The following COG5 variants were observed in gnomAD, a reference collection of about 807,000 sequenced individuals.
The protein encoded by COG5 is component of oligomeric golgi complex 5, also known as conserved oligomeric Golgi complex subunit 5.
COG5 carries 86 observed loss-of-function variants against 110.4 expected under a neutral mutation model. The observed-to-expected ratio is 0.78, with a 90% CI of 0.65 to 0.93. The LOEUF is 0.93. Among genes scored for constraint, COG5 ranks in the 40% least tolerant of loss-of-function variants. COG5 has a pLI of 0.00. For missense variants in COG5, 1,077 were observed against 987.0 expected, an observed-to-expected ratio of 1.09 and a Z score of -1.22; for synonymous variants, 360 against 334.6, an observed-to-expected ratio of 1.08 and a Z score of -0.83.
intron 7 of COG5, among the ~76,000 whole-genome samples, chr7:107,374,240 C>CT (rs1000377116): frequency 4.6e-5 from 7 of 152,014 alleles, no homozygotes; most frequent in African/African-American, 1.7e-4. Context: ...TCTCCCAAGA[C>CT]TGTTTTATCT....
At chr7:107,481,855 G>A (rs961912885) in intron 6 of COG5, among the ~76,000 whole-genome samples, 4 of 152,084 alleles carry the variant, frequency 2.6e-5, no homozygotes, top group African/African-American at 2.4e-5. Context: ...TAATACTAAT[G>A]TACTTTCGCA....
chr7:107,220,641 C>A (rs1043283764), intron 19 of COG5, among the ~76,000 whole-genome samples: 10 of 152,132 alleles, frequency 6.6e-5, no homozygotes, highest in Admixed American at 3.3e-4. Flanking sequence ...AAATCCAGCC[C>A]ATGATTCTAA....
chr7:107,441,368 C>T (rs1794698536), intron 6 of COG5, among the ~76,000 whole-genome samples: 1 of 151,360 alleles, frequency 6.6e-6, no homozygotes, highest in East Asian at 2.0e-4. Flanking sequence ...GGACTTATAA[C>T]TGCCATCTGC....
At chr7:107,207,371 T>C (rs968935936) in intron 21 of COG5, among the ~76,000 whole-genome samples, 1 of 152,190 alleles carries the variant, frequency 6.6e-6, no homozygotes, top group Non-Finnish European at 1.5e-5. Flanking sequence ...TTGTGGACCC[T>C]GGACCATGGC....
In COG5 at chr7:107,416,821, G is replaced by A. The variant is rs1290440321; in HGVS notation, c.539-4189C>T. Among the ~76,000 whole-genome samples the A allele has an allele frequency of 2.6e-5, 4 of 152,126 alleles. No homozygotes were observed. In the East Asian group the frequency reaches 7.7e-4, roughly 29 times the overall value. On this transcript the variant is annotated intron_variant, in intron 6 of 21. Transcript: ENST00000297135. Reference sequence around the variant, plus strand: ...AGGAAAAGCAGAATATATTACCTCAGGGAGAAGAGTTTAACGCAAAGATTA... The same window carrying A: ...AGGAAAAGCAGAATATATTACCTCAAGGAGAAGAGTTTAACGCAAAGATTA...
chr7:107,407,305 C>CCAGGAGT (rs1194965061), intron 7 of COG5, among the ~76,000 whole-genome samples: 3 of 152,146 alleles, frequency 2.0e-5, no homozygotes, highest in African/African-American at 7.2e-5. Flanking sequence ...TCACTTGAAC[C>CCAGGAGT]CAGGAGTCGG....
At chr7:107,562,553 G>A (rs749175240) in intron 1 of COG5, among the ~76,000 whole-genome samples, 1 of 152,136 alleles carries the variant, frequency 6.6e-6, no homozygotes. Context: ...ACTAGATGGT[G>A]AACTACTTGA....
Position 107,548,343 on chromosome 7 carries a change from AT to A in COG5, c.293-12del. Reference sequence around the variant, plus strand: ...TCATCTGAAGAACACCTAGGAAAACATAAGTTTACATTGGCTTTACAAATTT... The same window carrying A: ...TCATCTGAAGAACACCTAGGAAAACAAAGTTTACATTGGCTTTACAAATTT... On this transcript the variant is annotated splice_polypyrimidine_tract_variant and intron_variant, in intron 3 of 21. Coordinates refer to ENST00000297135, the MANE Select transcript of COG5 (RefSeq NM_006348.5). 1 of 1,613,390 alleles carries A rather than the reference AT, an allele frequency of 6.2e-7. No homozygotes were observed. The highest frequency in any genetic ancestry group is 8.5e-7 in the Non-Finnish European group (1 of 1,179,350).
intron 8 of COG5, among the ~76,000 whole-genome samples, chr7:107,363,631 CAA>C (rs920384828): frequency 3.9e-5 from 6 of 151,968 alleles, no homozygotes; most frequent in African/African-American, 1.4e-4. Context: ...TTAATTAAGA[CAA>C]AGAGTATCGA....
In COG5 at chr7:107,485,507, T is replaced by C. The variant is rs536360510; in HGVS notation, c.538+41730A>G. Among the ~76,000 whole-genome samples the C allele has an allele frequency of 4.6e-5, 7 of 152,320 alleles. No individual in the cohort carries two copies. In the South Asian group the frequency reaches 1.4e-3, roughly 32 times the overall value. On this transcript the variant is annotated intron_variant, in intron 6 of 21. Coordinates refer to ENST00000297135, the MANE Select transcript of COG5 (RefSeq NM_006348.5). Reference sequence around the variant, plus strand: ...ACACATATGCTTACCAATTTTACAATGTAACTAGCTTCTCAAACTACATAA... The same window carrying C: ...ACACATATGCTTACCAATTTTACAACGTAACTAGCTTCTCAAACTACATAA...
intron 17 of COG5, among the ~76,000 whole-genome samples, chr7:107,237,802 T>C (rs995372753): frequency 6.6e-6 from 1 of 152,134 alleles, no homozygotes; most frequent in Non-Finnish European, 1.5e-5. Context: ...GGCGCTTGGG[T>C]ACAGGGGAGC....
intron 14 of COG5, among the ~76,000 whole-genome samples, chr7:107,268,950 GTATATT>G (rs1291652247): frequency 6.6e-6 from 1 of 152,066 alleles, no homozygotes; most frequent in Non-Finnish European, 1.5e-5. Flanking sequence ...GGCCAGTTTA[GTATATT>G]TATATTTATT....
intron 12 of COG5, among the ~76,000 whole-genome samples, chr7:107,291,746 T>A (rs1204377633): frequency 6.6e-6 from 1 of 152,238 alleles, no homozygotes; most frequent in Non-Finnish European, 1.5e-5. Context: ...AGAACCTTTC[T>A]GAGGTCATGT....
intron 7 of COG5, among the ~76,000 whole-genome samples, chr7:107,388,148 G>A (rs1790343692): frequency 6.6e-6 from 1 of 152,094 alleles, no homozygotes; most frequent in African/African-American, 2.4e-5. Context: ...ATCCTACAAT[G>A]CCCAGATTGC....
chr7:107,322,204 C>G (rs1809360079), intron 11 of COG5, among the ~76,000 whole-genome samples: 1 of 152,178 alleles, frequency 6.6e-6, no homozygotes. Flanking sequence ...GAAGTGGATT[C>G]TCTCAGAGGT....
intron 7 of COG5, among the ~76,000 whole-genome samples, chr7:107,379,759 A>C (rs1358891030): frequency 6.6e-6 from 1 of 152,208 alleles, no homozygotes; most frequent in Admixed American, 6.5e-5. Flanking sequence ...CACCCAGTAC[A>C]GGAGCACCCA....
intron 8 of COG5, among the ~76,000 whole-genome samples, chr7:107,362,855 C>T (rs1369791262): frequency 6.6e-6 from 1 of 150,920 alleles, no homozygotes; most frequent in Admixed American, 6.6e-5. Context: ...AAACACATAC[C>T]GAAACAAATA....
chr7:107,559,498 T>C (rs941488392), intron 1 of COG5, among the ~76,000 whole-genome samples: 2 of 152,196 alleles, frequency 1.3e-5, no homozygotes, highest in Non-Finnish European at 2.9e-5. Context: ...TTTGTTTTGT[T>C]TGCTAACTCT....
intron 7 of COG5, among the ~76,000 whole-genome samples, chr7:107,383,083 A>C (rs565974995): frequency 3.9e-5 from 6 of 152,308 alleles, no homozygotes; most frequent in African/African-American, 1.4e-4. Flanking sequence ...AGTAAGACCA[A>C]GGGAGCTAAC....
Sources: allele counts gnomAD v4.1 joint callset (sites outside exome capture counted in the v4.1 genomes callset), GRCh38; gene constraint gnomAD v4.1.1; transcripts MANE v1.5; gene names NCBI Gene and HGNC (gene_info 2026-07-23, HGNC 2026-07-21).